Variants in GALNT1 observed in about 807,000 individuals in gnomAD.
GALNT1 encodes polypeptide N-acetylgalactosaminyltransferase 1.
Under a neutral mutation model 65.7 loss-of-function variants are expected in GALNT1, and 17 were observed. The observed-to-expected ratio is 0.26, with a 90% CI of 0.18 to 0.39. The LOEUF is 0.39. GALNT1 is among the 10% of genes least tolerant of loss of function. The pLI is 1.00. For synonymous variants in GALNT1, 210 were observed against 219.7 expected (o/e 0.96, Z 0.39); for missense variants, 460 against 672.8 (o/e 0.68, Z 3.50).
At chr18:35,648,154 A>G (rs1238044913) in intron 1 of GALNT1, among the ~76,000 whole-genome samples, 1 of 150,906 alleles carries the variant, frequency 6.6e-6, no homozygotes, top group Non-Finnish European at 1.5e-5. Context: ...GGAGGGAGGG[A>G]GAGAGGATTG....
chr18:35,650,214 G>A (rs1440710157), intron 1 of GALNT1, among the ~76,000 whole-genome samples: 1 of 152,126 alleles, frequency 6.6e-6, no homozygotes, highest in African/African-American at 2.4e-5. Flanking sequence ...GAGACATCAC[G>A]TCAGCAGGTT....
intron 1 of GALNT1, among the ~76,000 whole-genome samples, chr18:35,632,212 A>G (rs1248010167): frequency 1.3e-5 from 2 of 152,228 alleles, no homozygotes; most frequent in African/African-American, 4.8e-5. Flanking sequence ...TAAAGTTCAT[A>G]TGGAGCCAAA....
chr18:35,700,185 C>CT (rs2048135525), intron 9 of GALNT1, among the ~76,000 whole-genome samples: 1 of 152,182 alleles, frequency 6.6e-6, no homozygotes, highest in African/African-American at 2.4e-5. Flanking sequence ...TCTGAAAACT[C>CT]TATATTCTCT....
chr18:35,656,280 G>T (rs1247518672), intron 2 of GALNT1, among the ~76,000 whole-genome samples: 3 of 150,364 alleles, frequency 2.0e-5, no homozygotes, highest in South Asian at 4.2e-4. Context: ...AATTTTTTTT[G>T]ACTTTTATAT....
intron 1 of GALNT1, among the ~76,000 whole-genome samples, chr18:35,627,660 C>T (rs1005701512): frequency 3.9e-5 from 6 of 152,052 alleles, no homozygotes; most frequent in African/African-American, 7.2e-5. Context: ...ACACAGAAGA[C>T]GGGTGATTTT....
intron 1 of GALNT1, among the ~76,000 whole-genome samples, chr18:35,615,960 C>G (rs2046778688): frequency 6.6e-6 from 1 of 152,178 alleles, no homozygotes; most frequent in South Asian, 2.1e-4. Flanking sequence ...TAAAGGCCAA[C>G]AACTTTGACG....
intron 1 of GALNT1, among the ~76,000 whole-genome samples, chr18:35,652,045 TAAAC>T (rs1174697689): frequency 1.3e-5 from 2 of 151,802 alleles, no homozygotes; most frequent in African/African-American, 4.9e-5. Context: ...TTATTGAACA[TAAAC>T]AACAAAGTAA....
At chr18:35,686,562 C>T (rs2047870736) in intron 5 of GALNT1, among the ~76,000 whole-genome samples, 1 of 152,022 alleles carries the variant, frequency 6.6e-6, no homozygotes, top group African/African-American at 2.4e-5. Flanking sequence ...TGTATGTAAT[C>T]TTGATTTATG....
chr18:35,711,700 G>A lies in GALNT1; in HGVS notation c.*1930G>A, dbSNP rs2048352345. On this transcript the variant is annotated 3_prime_UTR_variant, in exon 12 of 12. Coordinates refer to ENST00000269195, the MANE Select transcript of GALNT1 (RefSeq NM_020474.4). ...AAAGCTTAACAGCAATGTGATTTAA[G>A]GTTTTGTTTTAAATGGGAGATGTAA... is the stretch of plus-strand genomic sequence containing the variant. 1 of 152,148 alleles carries A rather than the reference G, an allele frequency of 6.6e-6. No individual in the cohort carries two copies. Among genetic ancestry groups the A allele is most frequent in the African/African-American group, 2.4e-5 (1 of 41,430 alleles). The allele number at this position is 152,148 out of a possible 1,614,324, so 9.4% of individuals were successfully genotyped here.
chr18:35,618,233 T>A (rs1281295914), intron 1 of GALNT1, among the ~76,000 whole-genome samples: 3 of 152,208 alleles, frequency 2.0e-5, no homozygotes, highest in Non-Finnish European at 4.4e-5. Flanking sequence ...AAATGTAGTC[T>A]AAACCTGTAA....
chr18:35,644,508 T>C (rs998579301), intron 1 of GALNT1, among the ~76,000 whole-genome samples: 1 of 152,220 alleles, frequency 6.6e-6, no homozygotes, highest in African/African-American at 2.4e-5. Flanking sequence ...TTTGACAATT[T>C]TGGCTTCAGT....
rs923116874 is a variant in GALNT1, at chr18:35,690,988, C to T, written c.979-24C>T. The T allele has an allele frequency of 7.7e-6, 12 of 1,548,670 alleles. No individual in the cohort carries two copies. In the African/African-American group the frequency reaches 1.1e-4, roughly 14 times the overall value. On this transcript the variant is annotated intron_variant, in intron 7 of 11. Coordinates refer to ENST00000269195, the MANE Select transcript of GALNT1 (RefSeq NM_020474.4). Reference sequence around the variant, plus strand: ...TTCCTGATTACTCAGCTACATGTTACATGGTCATCTCTGCTGTTTTCAGAT... The same window carrying T: ...TTCCTGATTACTCAGCTACATGTTATATGGTCATCTCTGCTGTTTTCAGAT...
rs184412901 is a variant in GALNT1 at position 35,677,548 on chromosome 18, T to C, written c.315-43T>C. ...TAGTCCAGATTCCTTTATTATGCAATCTTAACAGTCACTTTTTATAAAGGC... is the reference window on the plus strand; with the variant it reads ...TAGTCCAGATTCCTTTATTATGCAACCTTAACAGTCACTTTTTATAAAGGC... On this transcript the variant is annotated intron_variant, in intron 3 of 11. Transcript: ENST00000269195. The C allele has an allele frequency of 1.1e-4, 175 of 1,541,766 alleles. 1 individual carries two copies. The East Asian group carries it at 3.8e-3, about 34-fold the overall frequency.
At chr18:35,709,547 G>T (rs1298282436) in intron 11 of GALNT1, 77 bp from the exon 12 acceptor site, 4 of 1,496,718 alleles carry the variant, frequency 2.7e-6, no homozygotes, top group Non-Finnish European at 2.7e-6. Flanking sequence ...TTTCTGCAGA[G>T]GAACTTAATC....
rs115806942 is a variant in GALNT1, at chr18:35,605,872, G to A, written c.-104+24010G>A. Among the ~76,000 whole-genome samples, 401 of 152,246 alleles carry A rather than the reference G, an allele frequency of 2.6e-3. 1 individual carries two copies. The highest frequency in any genetic ancestry group is 9.2e-3 in the African/African-American group (383 of 41,546). ...CAGTGTTTCAGTTGCCTGCATGTTTGTTTAAGGTACTGTTCTTTTTAGCAT... is the reference window on the plus strand; with the variant it reads ...CAGTGTTTCAGTTGCCTGCATGTTTATTTAAGGTACTGTTCTTTTTAGCAT... On this transcript the variant is annotated intron_variant, in intron 1 of 11. Transcript: ENST00000269195.
intron 1 of GALNT1, among the ~76,000 whole-genome samples, chr18:35,589,612 C>G (rs774790567): frequency 3.3e-5 from 5 of 152,112 alleles, no homozygotes; most frequent in Non-Finnish European, 7.4e-5. Context: ...TTTATTGTTC[C>G]TTGCAGCCTG....
In GALNT1 at chr18:35,710,271, CAAAAAAACTATATT is replaced by C. The variant is rs2048332797; in HGVS notation, c.*505_*518del. ...CATGAAAACAACATTTTTACAACAACAAAAAAACTATATTAAACAGGGTTTAAAGGAAATTAAAA... is the reference window on the plus strand; with the variant it reads ...CATGAAAACAACATTTTTACAACAACAAACAGGGTTTAAAGGAAATTAAAA... On this transcript the variant is annotated 3_prime_UTR_variant, in exon 12 of 12. Transcript: ENST00000269195. 6.5e-6 allele frequency: 1 copy of C among 152,896 alleles called. No homozygotes were observed. Among genetic ancestry groups the C allele is most frequent in the South Asian group, 2.0e-4 (1 of 4,884 alleles). 9.5% of individuals were successfully genotyped at this position (152,896 alleles called of 1,614,324 possible).
At chr18:35,610,447 C>CTA (rs761430445) in intron 1 of GALNT1, among the ~76,000 whole-genome samples, 1 of 152,210 alleles carries the variant, frequency 6.6e-6, no homozygotes, top group Non-Finnish European at 1.5e-5. Flanking sequence ...TAGTGCTTTA[C>CTA]TATAGTTCCA....
chr18:35,683,331 T>C (rs753986147), intron 4 of GALNT1, 60 bp from the exon 5 acceptor site: 9 of 1,369,188 alleles, frequency 6.6e-6, no homozygotes, highest in Non-Finnish European at 9.1e-6. Flanking sequence ...TCAAAATTAC[T>C]TTCATCTGAA....
Sources: gnomAD v4.1 joint callset for allele counts (sites outside exome capture counted in the v4.1 genomes callset) on GRCh38, gnomAD v4.1.1 for gene constraint, MANE v1.5 for transcripts, NCBI Gene and HGNC (gene_info 2026-07-23, HGNC 2026-07-21) for gene names.